The following PXDNL variants were observed in gnomAD, a reference collection of about 807,000 sequenced individuals.
PXDNL encodes probable oxidoreductase PXDNL.
A neutral mutation model predicts 150.8 loss-of-function variants in PXDNL; 145 were observed. That is an observed-to-expected ratio of 0.96 (90% CI 0.84 to 1.10). The LOEUF (loss-of-function observed/expected upper bound fraction) is 1.10, where lower values mean the gene tolerates loss of function less well. Ranked by LOEUF, PXDNL falls within the 50% of genes least tolerant of loss-of-function variation. PXDNL has a pLI of 0.00. For synonymous variants in PXDNL, 757 were observed against 725.7 expected (o/e 1.04, Z -0.69); for missense variants, 2,087 against 1,873.9 (o/e 1.11, Z -2.10).
At chr8:51,675,685 C>T (rs555571581) in intron 1 of PXDNL, among the ~76,000 whole-genome samples, 4 of 148,500 alleles carry the variant, frequency 2.7e-5, no homozygotes, top group East Asian at 2.0e-4. Context: ...CCCAGCTACT[C>T]GGGAGGCTGA....
chr8:51,554,753 T>C (rs572611844), intron 4 of PXDNL, among the ~76,000 whole-genome samples: 2 of 152,334 alleles, frequency 1.3e-5, no homozygotes, highest in African/African-American at 4.8e-5. Flanking sequence ...TTGTTCCTCA[T>C]TTCTGTCCAA....
chr8:51,624,485 G>C (rs760163263), intron 2 of PXDNL, among the ~76,000 whole-genome samples: 14 of 151,988 alleles, frequency 9.2e-5, no homozygotes, highest in African/African-American at 2.9e-4. Flanking sequence ...ATGTTGTACT[G>C]TAGGAAATAT....
intron 2 of PXDNL, among the ~76,000 whole-genome samples, chr8:51,613,493 G>GC (rs537158833): frequency 2.5e-5 from 3 of 118,606 alleles, no homozygotes; most frequent in Admixed American, 9.5e-5. Context: ...GCGGGGGGGG[G>GC]GCAGGGCGGC....
intron 5 of PXDNL, among the ~76,000 whole-genome samples, chr8:51,498,682 C>A (rs982832461): frequency 1.3e-5 from 2 of 152,100 alleles, no homozygotes; most frequent in Non-Finnish European, 2.9e-5. Flanking sequence ...CCAGGAAAAA[C>A]CAAGAATACA....
intron 4 of PXDNL, among the ~76,000 whole-genome samples, chr8:51,540,985 T>C (rs116404248): frequency 0.052 from 7,914 of 152,090 alleles, 507 homozygotes; most frequent in African/African-American, 0.15. Flanking sequence ...TTCAGCTGGT[T>C]GCAGTGGCTT....
chr8:51,357,835 C>A (rs1030298069), intron 19 of PXDNL, among the ~76,000 whole-genome samples: 12 of 152,090 alleles, frequency 7.9e-5, no homozygotes, highest in African/African-American at 2.9e-4. Flanking sequence ...CTGTCAATAT[C>A]CACAACATAC....
intron 4 of PXDNL, among the ~76,000 whole-genome samples, chr8:51,514,642 G>A (rs1811497137): frequency 6.6e-6 from 1 of 152,108 alleles, no homozygotes; most frequent in South Asian, 2.1e-4. Flanking sequence ...TGGTGCTCCT[G>A]AACCCCCTGT....
At chr8:51,461,268 T>C (rs757140837) in intron 8 of PXDNL, among the ~76,000 whole-genome samples, 2 of 152,198 alleles carry the variant, frequency 1.3e-5, no homozygotes, top group Non-Finnish European at 2.9e-5. Flanking sequence ...AATGCAGATT[T>C]GTGTTCTGGC....
chr8:51,371,888 G>T lies in PXDNL; in HGVS notation c.3886C>A (p.Gln1296Lys). 1 of 1,613,760 alleles carries T rather than the reference G, an allele frequency of 6.2e-7. No individual in the cohort carries two copies. The change falls in exon 19 of 23, where the codon CAA becomes AAA. Residue 1296 changes from glutamine to lysine, a missense_variant. Transcript: ENST00000356297. ...EIPKVDLRVW[Q>K]DCCADCRSRG... ...TATTACTGACCTGCACAGCAGTCTT[G>T]CCACACTCGCAGGTCCACCTTCGGG...
At chr8:51,371,837 A>T (rs1216422014) in intron 19 of PXDNL, 36 bp downstream of exon 19, 1 of 1,519,774 alleles carries the variant, frequency 6.6e-7, no homozygotes, top group South Asian at 1.1e-5. Context: ...GAACATGCAC[A>T]TCAATCCAGA....
At chr8:51,356,639 T>C (rs1806518972) in intron 19 of PXDNL, among the ~76,000 whole-genome samples, 1 of 152,326 alleles carries the variant, frequency 6.6e-6, no homozygotes, top group Admixed American at 6.5e-5. Context: ...TTTTGCTTTA[T>C]CTTTTATGCT....
intron 19 of PXDNL, among the ~76,000 whole-genome samples, chr8:51,356,825 C>T (rs1291246281): frequency 6.6e-6 from 1 of 152,184 alleles, no homozygotes; most frequent in Admixed American, 6.5e-5. Context: ...TATCACTTCA[C>T]CAGCTACGCC....
intron 12 of PXDNL, chr8:51,435,746 G>GA (rs1332873702): frequency 7.8e-6 from 3 of 383,994 alleles, no homozygotes; most frequent in African/African-American, 6.5e-5. Flanking sequence ...CTGGATCCCA[G>GA]GCCCCGTTTG....
At chr8:51,608,025 G>GAAAGAA (rs1161183007) in intron 2 of PXDNL, among the ~76,000 whole-genome samples, 1 of 106,054 alleles carries the variant, frequency 9.4e-6, no homozygotes, top group Non-Finnish European at 1.9e-5. Context: ...AAGAAAGAAA[G>GAAAGAA]AAAGAAAGAA....
intron 2 of PXDNL, among the ~76,000 whole-genome samples, chr8:51,649,177 T>G (rs573985104): frequency 8.5e-5 from 13 of 152,302 alleles, no homozygotes; most frequent in African/African-American, 3.1e-4. Context: ...CTGGTAACTG[T>G]GTCTTCAGCC....
At chr8:51,490,880 C>T (rs1352320958) in intron 5 of PXDNL, among the ~76,000 whole-genome samples, 1 of 151,878 alleles carries the variant, frequency 6.6e-6, no homozygotes, top group Non-Finnish European at 1.5e-5. Flanking sequence ...ATGGTTAATA[C>T]TGAGTGTTAA....
chr8:51,790,014 A>G (rs1204571938), intron 1 of PXDNL, among the ~76,000 whole-genome samples: 1 of 152,204 alleles, frequency 6.6e-6, no homozygotes, highest in Non-Finnish European at 1.5e-5. Context: ...ACTTACAGTG[A>G]ACAATCCAAT....
chr8:51,357,270 G>A (rs986594770), intron 19 of PXDNL, among the ~76,000 whole-genome samples: 40 of 152,114 alleles, frequency 2.6e-4, no homozygotes, highest in African/African-American at 8.9e-4. Context: ...TTGTACCAAA[G>A]ACATCCATCT....
intron 1 of PXDNL, among the ~76,000 whole-genome samples, chr8:51,768,101 G>T (rs2037251114): frequency 6.6e-6 from 1 of 152,216 alleles, no homozygotes; most frequent in Non-Finnish European, 1.5e-5. Flanking sequence ...AAATGAAGGG[G>T]ATCAGCTAAG....
Sources: gnomAD v4.1 joint callset for allele counts (sites outside exome capture counted in the v4.1 genomes callset) on GRCh38, gnomAD v4.1.1 for gene constraint, MANE v1.5 for transcripts, NCBI Gene and HGNC (gene_info 2026-07-23, HGNC 2026-07-21) for gene names.